The following LGALSL variants were observed in gnomAD, a reference collection of about 807,000 sequenced individuals.
LGALSL encodes galectin like, also known as galectin-related protein.
Under a neutral mutation model 19.5 loss-of-function variants are expected in LGALSL, and 13 were observed. The observed-to-expected ratio is 0.67, with a 90% CI of 0.43 to 1.06. The LOEUF (loss-of-function observed/expected upper bound fraction) is 1.06. LGALSL is among the 50% of genes least tolerant of loss of function. The pLI is 0.00. For synonymous variants in LGALSL, 86 were observed against 78.3 expected (o/e 1.10, Z -0.52); for missense variants, 189 against 219.3 (o/e 0.86, Z 0.87).
At position 64,455,409 on chromosome 2, in the gene LGALSL, A is replaced by G. The variant is rs761175070; in HGVS notation, c.102A>G (p.Pro34=). 6.2e-7 allele frequency: 1 copy of G among 1,612,136 alleles called. No homozygotes were observed. Among genetic ancestry groups the G allele is most frequent in the East Asian group, 2.2e-5 (1 of 44,872 alleles). ...CAGTTCAAGCGGACGTGTACTTCCC[A>G]CGACTGGTAAATGATTTTGCTCTGT... ...SSPVQADVYF[P]RLIVPFCGHI... Residue 34 remains proline, a synonymous_variant, in exon 2 of 5, where the codon CCA becomes CCG. Coordinates refer to ENST00000238875, the MANE Select transcript of LGALSL (RefSeq NM_014181.3).
In LGALSL at chr2:64,455,588, G is replaced by A. The variant is rs1222830884; in HGVS notation, c.109-1G>A. ...CATTTTTCTTCTCCCACCCTTTTCA[G>A]ATAGTTCCATTTTGTGGGCACATTA... is the stretch of plus-strand genomic sequence containing the variant. On this transcript the variant is annotated splice_acceptor_variant, in intron 2 of 4. Transcript: ENST00000238875. LOFTEE classifies it high-confidence loss of function. 1.2e-6 allele frequency: 2 copies of A among 1,613,404 alleles called. No homozygotes were observed.
In LGALSL at chr2:64,455,476, A is replaced by T. The variant is rs1345463879; in HGVS notation, c.108+61A>T. ...TCCTCCTTTCTCATTGCTTTTTAAA[A>T]TTTTATTCATTTGTTTATTGCATTT... On this transcript the variant is annotated intron_variant, in intron 2 of 4. Transcript: ENST00000238875. 8 of 1,529,756 alleles carry T rather than the reference A, an allele frequency of 5.2e-6. No homozygotes were observed. In the East Asian group the frequency reaches 1.8e-4, roughly 34 times the overall value. The allele number at this position is 1,529,756 out of a possible 1,614,324, so 94.8% of individuals were successfully genotyped here.
chr2:64,455,478 T>A, intron 2 of LGALSL, 63 bp downstream of exon 2: 1 of 1,531,844 alleles, frequency 6.5e-7, no homozygotes, highest in Non-Finnish European at 9.0e-7. Context: ...TTTTTAAAAT[T>A]TTATTCATTT....
chr2:64,457,454 G>C (rs1226046965), intron 4 of LGALSL, among the ~76,000 whole-genome samples: 2 of 151,882 alleles, frequency 1.3e-5, no homozygotes, highest in Non-Finnish European at 2.9e-5. Flanking sequence ...AATGCAAGTA[G>C]TAATGGTGTT....
chr2:64,458,979 G>A lies in LGALSL; in HGVS notation c.*551G>A, dbSNP rs1686778187. 1 of 152,156 alleles carries A rather than the reference G, an allele frequency of 6.6e-6. No homozygotes were observed. The highest frequency in any genetic ancestry group is 2.1e-4 in the South Asian group (1 of 4,828). The allele number at this position is 152,156 out of a possible 1,614,324, so 9.4% of individuals were successfully genotyped here. A position where few individuals can be genotyped will look rare whatever the true frequency, so the allele number is the denominator to read the frequency against. Reference sequence around the variant, plus strand: ...AGTTATTTATTTATACTCAATGTATGTATTAAAGAATGAACAATGTCTCAA... The same window carrying A: ...AGTTATTTATTTATACTCAATGTATATATTAAAGAATGAACAATGTCTCAA... On this transcript the variant is annotated 3_prime_UTR_variant, in exon 5 of 5. Coordinates refer to ENST00000238875, the MANE Select transcript of LGALSL (RefSeq NM_014181.3).
chr2:64,456,593 T>C, intron 4 of LGALSL, 128 bp downstream of exon 4: 1 of 701,954 alleles, frequency 1.4e-6, no homozygotes, highest in South Asian at 2.4e-5. Flanking sequence ...CACCCAATGG[T>C]GAAAAAAAAA....
At position 64,461,137 on chromosome 2, in the gene LGALSL, T is replaced by A. The variant is rs117645543; in HGVS notation, c.*2709T>A. On this transcript the variant is annotated 3_prime_UTR_variant, in exon 5 of 5. Coordinates refer to ENST00000238875, the MANE Select transcript of LGALSL (RefSeq NM_014181.3). ...TTTTAGAATTGAGGATTTGTTAAAA[T>A]GGCAAGTCATTTCATTTGTGTTAAA... The A allele has an allele frequency of 6.6e-5, 10 of 152,306 alleles. No homozygotes were observed. The East Asian group carries it at 1.9e-3, about 29-fold the overall frequency. The allele number at this position is 152,306 out of a possible 1,614,324, so 9.4% of individuals were successfully genotyped here. A position where few individuals can be genotyped will look rare whatever the true frequency, so the allele number is the denominator to read the frequency against.
At chr2:64,456,021 G>A (rs1686729741) in intron 3 of LGALSL, among the ~76,000 whole-genome samples, 1 of 151,192 alleles carries the variant, frequency 6.6e-6, no homozygotes, top group Non-Finnish European at 1.5e-5. Flanking sequence ...TATTTCCCCT[G>A]GTCAATTTCT....
In LGALSL at chr2:64,454,957, G is replaced by C. The variant is rs1237181890; in HGVS notation, c.36+376G>C. Among the ~76,000 whole-genome samples the C allele has an allele frequency of 6.6e-6, 1 of 152,226 alleles. No individual in the cohort carries two copies. Among genetic ancestry groups the C allele is most frequent in the Non-Finnish European group, 1.5e-5 (1 of 68,026 alleles). Reference sequence around the variant, plus strand: ...CCCTTGGAAATGGGTCGGCGCCCGGGGCTCCCGAGAGAAGTTGAGCACGGC... The same window carrying C: ...CCCTTGGAAATGGGTCGGCGCCCGGCGCTCCCGAGAGAAGTTGAGCACGGC... On this transcript the variant is annotated intron_variant, in intron 1 of 4. Transcript: ENST00000238875. This position sits in a 1 kb window ranked among gnomAD's most constrained non-coding sequence, Gnocchi z 5.1.
At position 64,454,959 on chromosome 2, in the gene LGALSL, C is replaced by T. The variant is rs1372294750; in HGVS notation, c.36+378C>T. Among the ~76,000 whole-genome samples, 1 of 152,212 alleles carries T rather than the reference C, an allele frequency of 6.6e-6. No homozygotes were observed. Among genetic ancestry groups the T allele is most frequent in the Non-Finnish European group, 1.5e-5 (1 of 68,020 alleles). ...CTTGGAAATGGGTCGGCGCCCGGGG[C>T]TCCCGAGAGAAGTTGAGCACGGCCG... On this transcript the variant is annotated intron_variant, in intron 1 of 4. Transcript: ENST00000238875. The surrounding 1 kb of genome is among the most constrained non-coding windows in gnomAD (Gnocchi z 5.1).
Position 64,454,562 on chromosome 2 carries a change from C to T in LGALSL, c.17C>T (p.Ala6Val). 6.9e-7 allele frequency: 1 copy of T among 1,452,266 alleles called. No individual in the cohort carries two copies. The highest frequency in any genetic ancestry group is 1.4e-5 in the South Asian group (1 of 73,532). 90.0% of individuals were successfully genotyped at this position (1,452,266 alleles called of 1,614,324 possible). A position where few individuals can be genotyped will look rare whatever the true frequency, so the allele number is the denominator to read the frequency against. MAGSV[A>V]DSDAVVKLDD... ...GGCAAGAAGATGGCGGGATCAGTGGCCGACAGCGATGCCGTGGTGGTGAGT... is the reference window on the plus strand; with the variant it reads ...GGCAAGAAGATGGCGGGATCAGTGGTCGACAGCGATGCCGTGGTGGTGAGT... The change falls in exon 1 of 5, where the codon GCC (alanine) becomes GTC (valine). Residue 6 changes from alanine to valine, a missense_variant. Transcript: ENST00000238875. The surrounding 1 kb of genome is among the most constrained non-coding windows in gnomAD (Gnocchi z 5.1).
At chr2:64,456,109 G>T (rs1385224618) in intron 3 of LGALSL, among the ~76,000 whole-genome samples, 179 bp from the exon 4 acceptor site, 1 of 152,094 alleles carries the variant, frequency 6.6e-6, no homozygotes, top group Non-Finnish European at 1.5e-5. Context: ...ACCAGAGCTT[G>T]CTTTAGGTAA....
rs1009209569 is a variant in LGALSL, at chr2:64,461,097, C to T, written c.*2669C>T. The T allele has an allele frequency of 2.0e-5, 3 of 151,980 alleles. No homozygotes were observed. The highest frequency in any genetic ancestry group is 7.3e-5 in the African/African-American group (3 of 41,364). The allele number at this position is 151,980 out of a possible 1,614,324, so 9.4% of individuals were successfully genotyped here. On this transcript the variant is annotated 3_prime_UTR_variant, in exon 5 of 5. Transcript: ENST00000238875. ...AATCTTGCCGACCTTAGTTCAAAGC[C>T]CCCTGAGAGATCACTTTTAGAATTG...
chr2:64,455,784 T>C, intron 3 of LGALSL, 107 bp downstream of exon 3: 3 of 804,356 alleles, frequency 3.7e-6, no homozygotes, highest in Non-Finnish European at 6.4e-6. Flanking sequence ...ACAGTGTTGC[T>C]AGTTGCCAGT....
chr2:64,457,279 C>A (rs767894423), intron 4 of LGALSL, among the ~76,000 whole-genome samples: 3 of 151,864 alleles, frequency 2.0e-5, no homozygotes, highest in Admixed American at 6.6e-5. Flanking sequence ...AAAAAATTAG[C>A]CTGCCATGGT....
At chr2:64,457,893 G>A (rs1686761425) in intron 4 of LGALSL, among the ~76,000 whole-genome samples, 1 of 152,068 alleles carries the variant, frequency 6.6e-6, no homozygotes. Context: ...GGAATATAAT[G>A]CTCCCAACAG....
Position 64,454,614 on chromosome 2 carries a change from TC to T in LGALSL, c.36+37del. ...TGGCAGGGCGCGCGCGAGGCGCCCC[TC>T]CCCGCCGTCCCGCACTCCGCCGCCG... On this transcript the variant is annotated intron_variant, in intron 1 of 4. Transcript: ENST00000238875. This position sits in a 1 kb window ranked among gnomAD's most constrained non-coding sequence, Gnocchi z 5.1. 1 of 1,351,134 alleles carries T rather than the reference TC, an allele frequency of 7.4e-7. No homozygotes were observed. The highest frequency in any genetic ancestry group is 9.6e-7 in the Non-Finnish European group (1 of 1,042,318). The allele number at this position is 1,351,134 out of a possible 1,614,324, so 83.7% of individuals were successfully genotyped here. A position where few individuals can be genotyped will look rare whatever the true frequency, so the allele number is the denominator to read the frequency against.
chr2:64,454,624 C>T lies in LGALSL; in HGVS notation c.36+43C>T, dbSNP rs1686701140. On this transcript the variant is annotated intron_variant, in intron 1 of 4. Coordinates refer to ENST00000238875, the MANE Select transcript of LGALSL (RefSeq NM_014181.3). This position sits in a 1 kb window ranked among gnomAD's most constrained non-coding sequence, Gnocchi z 5.1. Reference sequence around the variant, plus strand: ...CGCGCGAGGCGCCCCTCCCCGCCGTCCCGCACTCCGCCGCCGCCTGCTCCA... The same window carrying T: ...CGCGCGAGGCGCCCCTCCCCGCCGTTCCGCACTCCGCCGCCGCCTGCTCCA... 3.8e-6 allele frequency: 5 copies of T among 1,318,540 alleles called. No individual in the cohort carries two copies. Among genetic ancestry groups the T allele is most frequent in the Non-Finnish European group, 4.9e-6 (5 of 1,023,826 alleles). 81.7% of individuals were successfully genotyped at this position (1,318,540 alleles called of 1,614,324 possible).
At chr2:64,455,992 T>A (rs2103707096) in intron 3 of LGALSL, among the ~76,000 whole-genome samples, 1 of 151,548 alleles carries the variant, frequency 6.6e-6, no homozygotes, top group South Asian at 2.1e-4. Flanking sequence ...TCAAGATGAA[T>A]AAGAACCCAA....
Sources: gnomAD v4.1 joint callset for allele counts (sites outside exome capture counted in the v4.1 genomes callset) on GRCh38, gnomAD v4.1.1 for gene constraint, Gnocchi (gnomAD v3.1) non-coding constraint, MANE v1.5 for transcripts, NCBI Gene and HGNC (gene_info 2026-07-23, HGNC 2026-07-21) for gene names.